DLGAP2: variants seen among roughly 807,000 people sequenced by gnomAD.
The protein encoded by DLGAP2 is DLG associated protein 2, also known as disks large-associated protein 2.
Under a neutral mutation model 100.3 loss-of-function variants are expected in DLGAP2, and 26 were observed. The observed-to-expected ratio is 0.26, with a 90% confidence interval of 0.19 to 0.36. The LOEUF is 0.36. DLGAP2 is among the 10% of genes least tolerant of loss of function. DLGAP2 has a pLI of 1.00. For synonymous variants in DLGAP2, 886 were observed against 630.1 expected, an observed-to-expected ratio of 1.41 and a Z score of -6.08; for missense variants, 1,858 against 1,453.2, an observed-to-expected ratio of 1.28 and a Z score of -4.53.
At chr8:1,261,204 C>G (rs574461009) in intron 3 of DLGAP2, among the ~76,000 whole-genome samples, 10 of 148,784 alleles carry the variant, frequency 6.7e-5, no homozygotes, top group Middle Eastern at 3.4e-3. Context: ...GCTTCCAGAT[C>G]TTTAAAACGA....
chr8:1,256,024 C>G (rs1318593053), intron 2 of DLGAP2, among the ~76,000 whole-genome samples: 1 of 125,042 alleles, frequency 8.0e-6, no homozygotes, highest in Non-Finnish European at 1.6e-5. Context: ...TGTGTGTCCT[C>G]TCCTGCCCGG....
chr8:1,235,188 C>T (rs1798621166), intron 2 of DLGAP2, among the ~76,000 whole-genome samples: 3 of 101,014 alleles, frequency 3.0e-5, no homozygotes, highest in South Asian at 3.6e-4. Flanking sequence ...GTGTCTGCTT[C>T]CCTCACACAT....
At chr8:819,087 G>A (rs960932524) in intron 1 of DLGAP2, among the ~76,000 whole-genome samples, 1 of 152,138 alleles carries the variant, frequency 6.6e-6, no homozygotes, top group South Asian at 2.1e-4. Flanking sequence ...TCCAGAATTT[G>A]ATAAGTATCA....
At chr8:1,046,355 G>C (rs1802515350) in intron 2 of DLGAP2, among the ~76,000 whole-genome samples, 1 of 152,132 alleles carries the variant, frequency 6.6e-6, no homozygotes, top group Non-Finnish European at 1.5e-5. Flanking sequence ...CTAGTTTGGA[G>C]GTTGTTTTTA....
chr8:1,668,735 T>C (rs2130839109), intron 9 of DLGAP2, 57 bp downstream of exon 9: 19 of 1,431,418 alleles, frequency 1.3e-5, no homozygotes, highest in Non-Finnish European at 1.8e-5. Flanking sequence ...GCCAATAGCC[T>C]AGAATAAGCC....
At chr8:1,600,698 C>T (rs1157042464) in intron 6 of DLGAP2, among the ~76,000 whole-genome samples, 1 of 152,204 alleles carries the variant, frequency 6.6e-6, no homozygotes, top group Non-Finnish European at 1.5e-5. Context: ...TCACGAAGTT[C>T]TCATGCTGCG....
intron 3 of DLGAP2, among the ~76,000 whole-genome samples, chr8:1,465,399 G>A (rs1199769353): frequency 6.6e-6 from 1 of 151,724 alleles, no homozygotes; most frequent in African/African-American, 2.4e-5. Context: ...GAAGAGATGA[G>A]CAGAGGGAAG....
chr8:1,555,477 C>T (rs1351249943), intron 5 of DLGAP2, among the ~76,000 whole-genome samples: 3 of 152,222 alleles, frequency 2.0e-5, no homozygotes, highest in African/African-American at 7.2e-5. Context: ...CACCGCTTCC[C>T]CCCGGCCCCG....
chr8:791,007 T>C (rs1822011945), intron 1 of DLGAP2, among the ~76,000 whole-genome samples: 1 of 152,238 alleles, frequency 6.6e-6, no homozygotes, highest in African/African-American at 2.4e-5. Flanking sequence ...CCTCCCAAAG[T>C]GCAGGGATCA....
At chr8:1,219,416 C>T (rs745622197) in intron 2 of DLGAP2, among the ~76,000 whole-genome samples, 6 of 152,144 alleles carry the variant, frequency 3.9e-5, no homozygotes, top group Non-Finnish European at 7.4e-5. Flanking sequence ...TGATGAATCA[C>T]ATTTATTTAT....
At chr8:1,417,733 A>ACTCCTGCCTCACTC in intron 3 of DLGAP2, among the ~76,000 whole-genome samples, 1 of 146,578 alleles carries the variant, frequency 6.8e-6, no homozygotes, top group Non-Finnish European at 1.5e-5. Context: ...CCAGACACAG[A>ACTCCTGCCTCACTC]AGCCCACGGA....
rs1563098900 is a variant in DLGAP2, at chr8:1,350,186, C to CGGGTCCTGACAGTGTGTGGAAAGGCCGT, written c.106+91304_106+91305insGGTCCTGACAGTGTGTGGAAAGGCCGTG. ...ATGCTCTTGTGGCGTGGAAAGGCCG[C>CGGGTCCTGACAGTGTGTGGAAAGGCCGT]GCGGGTCCTGAGTGTGCGTGGAAAG... On this transcript the variant is annotated intron_variant, in intron 3 of 14. Coordinates refer to ENST00000637795, the MANE Select transcript of DLGAP2 (RefSeq NM_001346810.2). Among the ~76,000 whole-genome samples, 356 of 130,814 alleles carry CGGGTCCTGACAGTGTGTGGAAAGGCCGT rather than the reference C, an allele frequency of 2.7e-3. 19 individuals carry two copies. Among genetic ancestry groups the CGGGTCCTGACAGTGTGTGGAAAGGCCGT allele is most frequent in the African/African-American group, 6.1e-3 (222 of 36,318 alleles). 85.8% of individuals were successfully genotyped at this position (130,814 alleles called of 152,430 possible). A position where few individuals can be genotyped will look rare whatever the true frequency, so the allele number is the denominator to read the frequency against.
chr8:1,235,309 C>T (rs1040841232), intron 2 of DLGAP2, among the ~76,000 whole-genome samples: 21 of 146,590 alleles, frequency 1.4e-4, no homozygotes, highest in South Asian at 9.0e-4. Context: ...CACATGGCAT[C>T]GTGTCTAGTT....
intron 2 of DLGAP2, among the ~76,000 whole-genome samples, chr8:964,900 G>A (rs1050675187): frequency 1.8e-4 from 27 of 152,212 alleles, no homozygotes; most frequent in African/African-American, 6.3e-4. Context: ...CTGCCTTCCC[G>A]CTCGCTGAGC....
At position 1,139,780 on chromosome 8, in the gene DLGAP2, G is replaced by T. The variant is rs190476061; in HGVS notation, c.74-119071G>T. On this transcript the variant is annotated intron_variant, in intron 2 of 14. Transcript: ENST00000637795. ...GTGCCTGGCACAGGGTTTGGGGTCT[G>T]ACAGGTCCCAGGGGCTCTCTCAGCA... Among the ~76,000 whole-genome samples, 997 of 152,258 alleles carry T rather than the reference G, an allele frequency of 6.5e-3. 8 individuals carry two copies. The highest frequency in any genetic ancestry group is 0.023 in the African/African-American group (946 of 41,542).
intron 3 of DLGAP2, among the ~76,000 whole-genome samples, chr8:1,446,572 C>T (rs1269971079): frequency 1.6e-4 from 24 of 151,618 alleles, no homozygotes; most frequent in East Asian, 5.8e-4. Flanking sequence ...CTTGGCGATG[C>T]GGGCTCTTTT....
chr8:1,054,761 C>A (rs1802827407), intron 2 of DLGAP2, among the ~76,000 whole-genome samples: 1 of 152,126 alleles, frequency 6.6e-6, no homozygotes, highest in African/African-American at 2.4e-5. Flanking sequence ...CACGCTGTTG[C>A]ACTGGACAAG....
chr8:845,542 G>A (rs1320811430), intron 1 of DLGAP2, among the ~76,000 whole-genome samples: 4 of 152,172 alleles, frequency 2.6e-5, no homozygotes, highest in African/African-American at 7.2e-5. Context: ...GAGGATTTAT[G>A]TATTCTAGAT....
chr8:1,357,664 T>A (rs1183052607), intron 3 of DLGAP2, among the ~76,000 whole-genome samples: 1 of 152,182 alleles, frequency 6.6e-6, no homozygotes, highest in East Asian at 1.9e-4. Context: ...AACCTTTTTG[T>A]CTCTGACGGA....
Sources: allele counts gnomAD v4.1 joint callset (sites outside exome capture counted in the v4.1 genomes callset), GRCh38; gene constraint gnomAD v4.1.1; transcripts MANE v1.5; gene names NCBI Gene and HGNC (gene_info 2026-07-23, HGNC 2026-07-21).